ADAM29: variants seen among roughly 807,000 people sequenced by gnomAD.
ADAM29 encodes the protein disintegrin and metalloproteinase domain-containing protein 29.
For synonymous variants in ADAM29, 367 were observed against 342.3 expected (o/e 1.07, Z -0.80); for missense variants, 969 against 1,001.8 (o/e 0.97, Z 0.44).
At chr4:174,966,695 C>T (rs1294837949) in intron 4 of ADAM29, among the ~76,000 whole-genome samples, 1 of 152,164 alleles carries the variant, frequency 6.6e-6, no homozygotes, top group Non-Finnish European at 1.5e-5. Flanking sequence ...ATGGGCCGTA[C>T]CCCCAAGGAT....
chr4:174,970,496 C>T (rs1279476008), intron 4 of ADAM29, among the ~76,000 whole-genome samples: 1 of 152,072 alleles, frequency 6.6e-6, no homozygotes, highest in African/African-American at 2.4e-5. Context: ...ATGTGGGTGG[C>T]TTCTAGAAGC....
At chr4:174,919,331 A>T (rs1484825422) in intron 1 of ADAM29, among the ~76,000 whole-genome samples, 3 of 152,176 alleles carry the variant, frequency 2.0e-5, no homozygotes, top group South Asian at 4.1e-4. Context: ...TTTGGGTCTC[A>T]TTCACTATAG....
At chr4:174,924,502 C>CTT (rs1290056819) in intron 2 of ADAM29, among the ~76,000 whole-genome samples, 3 of 152,162 alleles carry the variant, frequency 2.0e-5, no homozygotes, top group African/African-American at 7.2e-5. Flanking sequence ...ACACAAAAAC[C>CTT]TGCATGTCAA....
chr4:174,976,441 A>G lies in ADAM29; in HGVS notation c.916A>G (p.Met306Val), dbSNP rs767315755. The change falls in exon 5 of 5, where the codon ATG becomes GTG. Residue 306 changes from methionine (M) to valine (V), a missense_variant. Physicochemically the swap from Met to Val is conservative, Grantham distance 21. Coordinates refer to ENST00000359240, the MANE Select transcript of ADAM29 (RefSeq NM_014269.4). ...GLSGIGAFRG[M>V]CTPHRSCAIV... Reference sequence around the variant, plus strand: ...AAGTGGCATAGGAGCTTTTAGAGGAATGTGTACACCACACCGTAGTTGTGC... The same window carrying G: ...AAGTGGCATAGGAGCTTTTAGAGGAGTGTGTACACCACACCGTAGTTGTGC... The G allele has an allele frequency of 2.5e-6, 4 of 1,601,720 alleles. No homozygotes were observed. In the Admixed American group the frequency reaches 6.9e-5, roughly 28 times the overall value.
intron 2 of ADAM29, among the ~76,000 whole-genome samples, chr4:174,924,261 G>A (rs972636105): frequency 4.6e-5 from 7 of 152,070 alleles, no homozygotes; most frequent in Admixed American, 2.0e-4. Flanking sequence ...TTGTCTTTAG[G>A]AAATTGCAAA....
chr4:174,977,035 C>T lies in ADAM29; in HGVS notation c.1510C>T (p.Gln504Ter), dbSNP rs771229328. 12 of 1,614,136 alleles carry T rather than the reference C, an allele frequency of 7.4e-6. No homozygotes were observed. The highest frequency in any genetic ancestry group is 9.3e-6 in the Non-Finnish European group (11 of 1,180,032). ...YEKSCHDRNE[Q>*]CRRIFGAGAN... ...AAAGAGCTGTCATGACCGCAATGAA[C>T]AGTGTAGGAGGATTTTTGGTGCAGG... is the stretch of plus-strand genomic sequence containing the variant. The change falls in exon 5 of 5, where the codon CAG (glutamine) becomes TAG (stop). Residue 504 changes from glutamine (Q) to a stop codon, truncating the protein, a stop_gained. Transcript: ENST00000359240. LOFTEE classifies it low-confidence loss of function (END_TRUNC).
chr4:174,969,788 ATTAAT>A (rs749827551), intron 4 of ADAM29, among the ~76,000 whole-genome samples: 12 of 152,070 alleles, frequency 7.9e-5, no homozygotes, highest in Non-Finnish European at 1.8e-4. Context: ...ATGAAATATC[ATTAAT>A]TTATTTACCC....
At chr4:174,950,014 A>G (rs1420039259) in intron 4 of ADAM29, among the ~76,000 whole-genome samples, 1 of 152,144 alleles carries the variant, frequency 6.6e-6, no homozygotes, top group Non-Finnish European at 1.5e-5. Flanking sequence ...CCAATAACCT[A>G]TCTTGGATCT....
chr4:174,960,878 A>G (rs548171856), intron 4 of ADAM29, among the ~76,000 whole-genome samples: 1 of 152,298 alleles, frequency 6.6e-6, no homozygotes, highest in South Asian at 2.1e-4. Context: ...TTCCCTGAAG[A>G]CAGGAGATTC....
chr4:174,964,903 CA>C (rs200539665), intron 4 of ADAM29, among the ~76,000 whole-genome samples: 7 of 149,450 alleles, frequency 4.7e-5, no homozygotes, highest in Admixed American at 6.6e-5. Context: ...GGTGAGTAGG[CA>C]AAAAAAATAA....
Position 174,977,512 on chromosome 4 carries a change from G to T in ADAM29, c.1987G>T (p.Asp663Tyr). The change falls in exon 5 of 5, where the codon GAC (aspartate) becomes TAC (tyrosine). Residue 663 changes from aspartate (D) to tyrosine (Y), a missense_variant. Asp to Tyr is a radical substitution (Grantham distance 160). Coordinates refer to ENST00000359240, the MANE Select transcript of ADAM29 (RefSeq NM_014269.4). ...CLIKGYGGSV[D>Y]SGPPPKRKKK... ...GATAAAAGGCTATGGAGGTAGTGTT[G>T]ACAGTGGCCCACCCCCTAAGAGAAA... The T allele has an allele frequency of 6.2e-7, 1 of 1,614,208 alleles. No homozygotes were observed. The highest frequency in any genetic ancestry group is 8.5e-7 in the Non-Finnish European group (1 of 1,180,038).
intron 4 of ADAM29, among the ~76,000 whole-genome samples, chr4:174,960,284 A>G (rs1466934742): frequency 6.6e-6 from 1 of 151,974 alleles, no homozygotes; most frequent in African/African-American, 2.4e-5. Flanking sequence ...ATCACTTTTT[A>G]GTATGAAATA....
intron 4 of ADAM29, among the ~76,000 whole-genome samples, chr4:174,956,694 G>A (rs1220131027): frequency 1.3e-5 from 2 of 151,768 alleles, no homozygotes; most frequent in African/African-American, 2.4e-5. Flanking sequence ...CATGCTTCAT[G>A]TGTTAACTCT....
Position 174,975,957 on chromosome 4 carries a change from G to T in ADAM29, c.432G>T (p.Thr144=), listed in dbSNP as rs755566638. The T allele has an allele frequency of 1.9e-6, 3 of 1,614,016 alleles. No homozygotes were observed. The highest frequency in any genetic ancestry group is 4.5e-5 in the East Asian group (2 of 44,870). Residue 144 remains threonine (T), a synonymous_variant, in exon 5 of 5, where the codon ACG becomes ACT. Transcript: ENST00000359240. ...TCAAGCCCCTAGCATTTTCTACCACGTTTGAACATCTGGTATACAAGATGG... is the reference window on the plus strand; with the variant it reads ...TCAAGCCCCTAGCATTTTCTACCACTTTTGAACATCTGGTATACAAGATGG... ...YEIKPLAFST[T]FEHLVYKMDS... is the part of the protein sequence containing the mutation.
rs566489821 is a variant in ADAM29 at position 174,956,469 on chromosome 4, A to G, written c.-180-18877A>G. Among the ~76,000 whole-genome samples, 10 of 150,432 alleles carry G rather than the reference A, an allele frequency of 6.6e-5. No homozygotes were observed. In the East Asian group the frequency reaches 2.0e-3, roughly 29 times the overall value. On this transcript the variant is annotated intron_variant, in intron 4 of 4. Transcript: ENST00000359240. The stretch of plus-strand genomic sequence containing the variant: ...TCTATATCTTCAAATTCCTGTTTTA[A>G]AAAAAGGTGTGTGTGTGTGTGTGTC...
intron 4 of ADAM29, among the ~76,000 whole-genome samples, chr4:174,951,957 G>A (rs1745201806): frequency 6.6e-6 from 1 of 152,050 alleles, no homozygotes; most frequent in Non-Finnish European, 1.5e-5. Context: ...GCATCACGGT[G>A]ACTATAATTA....
chr4:174,951,273 A>G (rs1381363574), intron 4 of ADAM29, among the ~76,000 whole-genome samples: 1 of 152,222 alleles, frequency 6.6e-6, no homozygotes, highest in African/African-American at 2.4e-5. Flanking sequence ...CATAGACAGT[A>G]TCTCCTACCA....
Position 174,975,545 on chromosome 4 carries a change from T to C in ADAM29, c.20T>C (p.Leu7Pro), listed in dbSNP as rs1205369332. The C allele has an allele frequency of 1.3e-6, 2 of 1,514,768 alleles. No individual in the cohort carries two copies. Among genetic ancestry groups the C allele is most frequent in the Non-Finnish European group, 1.8e-6 (2 of 1,132,012 alleles). The allele number at this position is 1,514,768 out of a possible 1,614,324, so 93.8% of individuals were successfully genotyped here. Residue 7 changes from leucine (L) to proline (P), a missense_variant, in exon 5 of 5, where the codon CTG (leucine) becomes CCG (proline). By Grantham distance (98) the Leu-to-Pro change is moderately conservative (BLOSUM62 -3). Transcript: ENST00000359240. ...TTGAACATGAAGATGTTACTCCTGC[T>C]GCATTGCCTTGGGGTGTTTCTGTCC... is the stretch of plus-strand genomic sequence containing the variant. MKMLLL[L>P]HCLGVFLSCS...
At position 174,937,269 on chromosome 4, in the gene ADAM29, C is replaced by G. The variant is rs116434596; in HGVS notation, c.-181+256C>G. ...TGAATTGTGTCAAGCTGTTAGCCGTCTAGGCCACCAAAAAGAGTTACGCAA... is the reference window on the plus strand; with the variant it reads ...TGAATTGTGTCAAGCTGTTAGCCGTGTAGGCCACCAAAAAGAGTTACGCAA... On this transcript the variant is annotated intron_variant, in intron 4 of 4. Transcript: ENST00000359240. Among the ~76,000 whole-genome samples, 598 of 152,044 alleles carry G rather than the reference C, an allele frequency of 3.9e-3. 3 individuals are homozygous for G. The highest frequency in any genetic ancestry group is 0.014 in the African/African-American group (562 of 41,538).
Sources: gnomAD v4.1 joint callset for allele counts (sites outside exome capture counted in the v4.1 genomes callset) on GRCh38, gnomAD v4.1.1 for gene constraint, MANE v1.5 for transcripts, NCBI Gene and HGNC (gene_info 2026-07-23, HGNC 2026-07-21) for gene names.